ABL1: variants seen among roughly 807,000 people sequenced by gnomAD.
ABL1 encodes ABL proto-oncogene 1, non-receptor tyrosine kinase.
ABL1 carries 11 observed loss-of-function variants against 94.7 expected under a neutral mutation model. That is an observed-to-expected ratio of 0.12 (90% CI 0.07 to 0.19). The LOEUF (loss-of-function observed/expected upper bound fraction) is 0.19, where lower values mean the gene tolerates loss of function less well. ABL1 is among the 10% of genes least tolerant of loss of function. ABL1 has a pLI of 1.00. For synonymous variants in ABL1, 656 were observed against 622.4 expected (o/e 1.05, Z -0.80); for missense variants, 1,082 against 1,489.4 (o/e 0.73, Z 4.50).
At chr9:130,799,327 T>TG (rs1830025118) in intron 1 of ABL1, among the ~76,000 whole-genome samples, 1 of 152,206 alleles carries the variant, frequency 6.6e-6, no homozygotes, top group Admixed American at 6.5e-5. Flanking sequence ...GAATTATTGA[T>TG]GGGTTACAGG....
intron 1 of ABL1, among the ~76,000 whole-genome samples, chr9:130,821,840 A>ATTTTTTTT (rs71389365): frequency 9.1e-6 from 1 of 109,966 alleles, no homozygotes; most frequent in African/African-American, 3.3e-5. Context: ...TATTATTATT[A>ATTTTTTTT]TTTTTTTTTT....
At chr9:130,818,335 T>C (rs1830316117) in intron 1 of ABL1, among the ~76,000 whole-genome samples, 1 of 152,154 alleles carries the variant, frequency 6.6e-6, no homozygotes, top group Non-Finnish European at 1.5e-5. Context: ...CCATACATCG[T>C]GGCGCATGCC....
chr9:130,881,520 G>A (rs370864926), intron 10 of ABL1, among the ~76,000 whole-genome samples: 40 of 152,296 alleles, frequency 2.6e-4, no homozygotes, highest in African/African-American at 8.9e-4. Context: ...GGGGAAGTCC[G>A]CTTTATAAAA....
Position 130,854,226 on chromosome 9 carries a change from G to A in ABL1, c.242G>A (p.Ser81Asn). ...GTGGCCAGTGGAGATAACACTCTAA[G>A]CATAACTAAAGGTAAAAGGGTTGTG... Reference protein sequence around the residue: ...DFVASGDNTLSITKGEKLRVL... With the variant: ...DFVASGDNTLNITKGEKLRVL... The change falls in exon 2 of 11, where the codon AGC becomes AAC. Residue 81 changes from serine (S) to asparagine (N), a missense_variant. Transcript: ENST00000318560. 1 of 1,613,742 alleles carries A rather than the reference G, an allele frequency of 6.2e-7. No individual in the cohort carries two copies. Among genetic ancestry groups the A allele is most frequent in the Non-Finnish European group, 8.5e-7 (1 of 1,179,898 alleles).
At chr9:130,782,194 G>A (rs1466058906) in intron 1 of ABL1, among the ~76,000 whole-genome samples, 1 of 151,984 alleles carries the variant, frequency 6.6e-6, no homozygotes, top group Non-Finnish European at 1.5e-5. Context: ...AAGTAGCTGG[G>A]ACTACAGGCA....
At chr9:130,756,901 C>T (rs1169455543) in intron 1 of ABL1, among the ~76,000 whole-genome samples, 1 of 152,138 alleles carries the variant, frequency 6.6e-6, no homozygotes, top group African/African-American at 2.4e-5. Context: ...GGAATTTGGG[C>T]ATTTGGAATC....
chr9:130,744,579 G>A (rs374719422), intron 1 of ABL1, among the ~76,000 whole-genome samples: 42 of 151,042 alleles, frequency 2.8e-4, no homozygotes, highest in Non-Finnish European at 3.8e-4. Flanking sequence ...CTGGCCAGGC[G>A]CAGTGGCTCA....
rs781464557 is a variant in ABL1, at chr9:130,877,383, T to G, written c.1271-1032T>G. Among the ~76,000 whole-genome samples, 2 of 148,170 alleles carry G rather than the reference T, an allele frequency of 1.3e-5. 1 individual carries two copies. The highest frequency in any genetic ancestry group is 3.0e-5 in the Non-Finnish European group (2 of 67,272). On this transcript the variant is annotated intron_variant, in intron 7 of 10. Coordinates refer to ENST00000318560, the MANE Select transcript of ABL1 (RefSeq NM_005157.6). ...TTTCATAAGATTTTTATGAAATGTTTAGAGTTAGAAGGGGCTTTGGAGATA... is the reference window on the plus strand; with the variant it reads ...TTTCATAAGATTTTTATGAAATGTTGAGAGTTAGAAGGGGCTTTGGAGATA...
rs71389356 is a variant in ABL1, at chr9:130,797,236, GAAAAAAAAAAAAAAAA to G, written c.137-56814_137-56799del. Among the ~76,000 whole-genome samples the G allele has an allele frequency of 5.6e-4, 31 of 55,216 alleles. 1 individual carries two copies. In the South Asian group the frequency reaches 0.021, roughly 38 times the overall value. 36.2% of individuals were successfully genotyped at this position (55,216 alleles called of 152,430 possible). Reference sequence around the variant, plus strand: ...GGGCGACAGAGTGAGACTCCATCTCGAAAAAAAAAAAAAAAAAAAAAAAAAAAAAGAACTTTGAATA... The same window carrying G: ...GGGCGACAGAGTGAGACTCCATCTCGAAAAAAAAAAAAAGAACTTTGAATA... On this transcript the variant is annotated intron_variant, in intron 1 of 10. Coordinates refer to the ABL1 transcript ENST00000372348.
chr9:130,803,317 C>T (rs1056475900), intron 1 of ABL1, among the ~76,000 whole-genome samples: 4 of 152,160 alleles, frequency 2.6e-5, no homozygotes, highest in African/African-American at 7.2e-5. Context: ...GGATTACAAG[C>T]GAGAGCCACT....
chr9:130,736,776 C>A (rs1831750263), intron 1 of ABL1, among the ~76,000 whole-genome samples: 2 of 152,218 alleles, frequency 1.3e-5, no homozygotes, highest in Admixed American at 1.3e-4. Flanking sequence ...CAGGCGTGAG[C>A]CACTGTGCCC....
At position 130,884,579 on chromosome 9, in the gene ABL1, T is replaced by C. The variant is rs1313940814; in HGVS notation, c.2289T>C (p.Pro763=). Reference sequence around the variant, plus strand: ...ACAAAAGTGAGAAGCCGGCTCTGCCTCGGAAGAGGGCAGGGGAGAACAGGT... The same window carrying C: ...ACAAAAGTGAGAAGCCGGCTCTGCCCCGGAAGAGGGCAGGGGAGAACAGGT... ...GGHKSEKPAL[P]RKRAGENRSD... The change falls in exon 11 of 11, where the codon CCT becomes CCC. Residue 763 remains proline (P), a synonymous_variant. Transcript: ENST00000318560. This position sits in a 1 kb window ranked among gnomAD's most constrained non-coding sequence, Gnocchi z 5.6. The C allele has an allele frequency of 1.2e-6, 2 of 1,613,054 alleles. No homozygotes were observed. Among genetic ancestry groups the C allele is most frequent in the African/African-American group, 1.3e-5 (1 of 74,888 alleles).
chr9:130,841,627 A>G (rs1830673446), intron 1 of ABL1, among the ~76,000 whole-genome samples: 1 of 151,688 alleles, frequency 6.6e-6, no homozygotes, highest in Non-Finnish European at 1.5e-5. Flanking sequence ...CCTGGCCAAC[A>G]TGCTGAAACC....
intron 1 of ABL1, among the ~76,000 whole-genome samples, chr9:130,848,241 C>T (rs1220106117): frequency 2.0e-5 from 3 of 150,820 alleles, no homozygotes; most frequent in Non-Finnish European, 2.9e-5. Flanking sequence ...TGGCTCCTGC[C>T]TGTAATCCCA....
intron 1 of ABL1, among the ~76,000 whole-genome samples, chr9:130,745,599 T>C (rs369498081): frequency 1.3e-5 from 2 of 151,782 alleles, no homozygotes; most frequent in East Asian, 3.9e-4. Context: ...GAGGGGAAAA[T>C]GACCTTCACA....
In ABL1 at chr9:130,872,695, C is replaced by A. The variant is rs1361373780; in HGVS notation, c.908-165C>A. Among the ~76,000 whole-genome samples, 1 of 152,200 alleles carries A rather than the reference C, an allele frequency of 6.6e-6. No individual in the cohort carries two copies. Reference sequence around the variant, plus strand: ...GAAAAGAGCCTGGCCATGTCCCTCCCACACGAGCACAGTCTCAGGATGCAG... The same window carrying A: ...GAAAAGAGCCTGGCCATGTCCCTCCAACACGAGCACAGTCTCAGGATGCAG... On this transcript the variant is annotated intron_variant, in intron 5 of 10. Transcript: ENST00000318560. The surrounding 1 kb of genome is among the most constrained non-coding windows in gnomAD (Gnocchi z 5.0).
intron 1 of ABL1, among the ~76,000 whole-genome samples, chr9:130,724,037 C>T (rs1831547819): frequency 6.6e-6 from 1 of 152,090 alleles, no homozygotes; most frequent in Admixed American, 6.6e-5. Context: ...GTCTCGATCT[C>T]CTGACCTCGT....
At chr9:130,748,574 A>G (rs929423061) in intron 1 of ABL1, among the ~76,000 whole-genome samples, 1 of 149,026 alleles carries the variant, frequency 6.7e-6, no homozygotes, top group African/African-American at 2.5e-5. Context: ...CACCATGCCT[A>G]GCTACTTTTT....
rs141184158 is a variant in ABL1, at chr9:130,778,653, A to G, written c.136+64198A>G. 8.0e-4 allele frequency among the ~76,000 whole-genome samples: 121 copies of G among 150,726 alleles called. 2 individuals are homozygous for G. In the East Asian group the frequency reaches 0.016, roughly 20 times the overall value. On this transcript the variant is annotated intron_variant, in intron 1 of 10. Transcript: ENST00000372348. ...CTCCTTTGCCAAGCAATGCTTGCCC[A>G]TCCACTTTCAGATCCCCCAGTTTGT... is the stretch of plus-strand genomic sequence containing the variant.
Sources: gnomAD v4.1 joint callset for allele counts (sites outside exome capture counted in the v4.1 genomes callset) on GRCh38, gnomAD v4.1.1 for gene constraint, Gnocchi (gnomAD v3.1) non-coding constraint, MANE v1.5 for transcripts, NCBI Gene and HGNC (gene_info 2026-07-23, HGNC 2026-07-21) for gene names.